XKR6: variants seen among roughly 807,000 people sequenced by gnomAD.
The protein encoded by XKR6 is XK related 6, also known as XK-related protein 6.
Under a neutral mutation model 56.7 loss-of-function variants are expected in XKR6, and 22 were observed. The ratio of observed to expected loss-of-function variants is 0.39; its 90% confidence interval spans 0.28 to 0.55. The LOEUF (loss-of-function observed/expected upper bound fraction) is 0.55, where lower values mean the gene tolerates loss of function less well. XKR6 is among the 20% of genes least tolerant of loss of function. The pLI is 0.66. For synonymous variants in XKR6, 524 were observed against 387.8 expected, an observed-to-expected ratio of 1.35 and a Z score of -4.13; for missense variants, 852 against 889.0, an observed-to-expected ratio of 0.96 and a Z score of 0.53.
chr8:11,174,524 G>A (rs1195669732), intron 1 of XKR6, among the ~76,000 whole-genome samples: 1 of 152,198 alleles, frequency 6.6e-6, no homozygotes, highest in Non-Finnish European at 1.5e-5. Flanking sequence ...CTGAAGGCTA[G>A]TAGTTACTCA....
chr8:11,145,258 C>CA (rs1358982097), intron 1 of XKR6, among the ~76,000 whole-genome samples: 1 of 120,604 alleles, frequency 8.3e-6, no homozygotes, highest in Non-Finnish European at 1.8e-5. Context: ...TCCCAAAATC[C>CA]AAAAAATGCA....
chr8:11,088,067 T>C (rs1302267298), intron 1 of XKR6, among the ~76,000 whole-genome samples: 1 of 152,190 alleles, frequency 6.6e-6, no homozygotes, highest in Non-Finnish European at 1.5e-5. Flanking sequence ...GCAAACAAGA[T>C]AAGTAGCTTC....
At chr8:10,912,360 A>G (rs1440479347) in intron 2 of XKR6, among the ~76,000 whole-genome samples, 5 of 130,764 alleles carry the variant, frequency 3.8e-5, no homozygotes, top group Non-Finnish European at 8.0e-5. Flanking sequence ...AGAGAGAGAG[A>G]GGGTGATTAT....
At chr8:11,074,166 G>A (rs151005444) in intron 1 of XKR6, among the ~76,000 whole-genome samples, 167 of 152,326 alleles carry the variant, frequency 1.1e-3, no homozygotes, top group Middle Eastern at 6.8e-3. Context: ...GTATTTCTCC[G>A]AGGTTCACGG....
chr8:11,145,995 C>A (rs1298310502), intron 1 of XKR6, among the ~76,000 whole-genome samples: 1 of 151,826 alleles, frequency 6.6e-6, no homozygotes, highest in Non-Finnish European at 1.5e-5. Context: ...TCGAGATACA[C>A]AAAAAGGACA....
At chr8:11,177,186 G>A (rs183178656) in intron 1 of XKR6, among the ~76,000 whole-genome samples, 64 of 152,314 alleles carry the variant, frequency 4.2e-4, no homozygotes, top group Non-Finnish European at 7.6e-4. Flanking sequence ...TGGCACGCAG[G>A]TAGGTGCAAC....
At chr8:11,082,326 G>A (rs530927128) in intron 1 of XKR6, among the ~76,000 whole-genome samples, 14 of 152,316 alleles carry the variant, frequency 9.2e-5, no homozygotes, top group African/African-American at 2.6e-4. Flanking sequence ...TTTGCACCCC[G>A]TTACGAATGT....
chr8:11,041,874 TAC>T (rs1010629736), intron 1 of XKR6, among the ~76,000 whole-genome samples: 11 of 152,236 alleles, frequency 7.2e-5, no homozygotes, highest in East Asian at 1.9e-4. Context: ...CCAACACATA[TAC>T]ACACACACAT....
intron 1 of XKR6, among the ~76,000 whole-genome samples, chr8:11,179,499 G>A (rs1029548225): frequency 7.2e-5 from 11 of 152,112 alleles, no homozygotes; most frequent in Non-Finnish European, 1.5e-5. Context: ...TCCCTGATAT[G>A]CACATGTGTG....
intron 1 of XKR6, among the ~76,000 whole-genome samples, chr8:10,945,566 C>G (rs1801509432): frequency 6.6e-6 from 1 of 152,184 alleles, no homozygotes; most frequent in African/African-American, 2.4e-5. Flanking sequence ...CTTTGTTTCC[C>G]CATCTAAGCT....
At chr8:11,043,247 G>C (rs1799329217) in intron 1 of XKR6, among the ~76,000 whole-genome samples, 1 of 152,104 alleles carries the variant, frequency 6.6e-6, no homozygotes, top group Admixed American at 6.5e-5. Flanking sequence ...AACACTCTTA[G>C]CGTGAGCACT....
chr8:10,960,746 G>C (rs947901639), intron 1 of XKR6, among the ~76,000 whole-genome samples: 2 of 152,170 alleles, frequency 1.3e-5, no homozygotes, highest in African/African-American at 4.8e-5. Context: ...CAAGGCAGGA[G>C]GTATCATTCC....
intron 1 of XKR6, among the ~76,000 whole-genome samples, chr8:11,067,476 C>T (rs1362299167): frequency 6.6e-6 from 1 of 152,180 alleles, no homozygotes. Flanking sequence ...CCTTAACGTT[C>T]TAGGATTCTA....
intron 1 of XKR6, among the ~76,000 whole-genome samples, chr8:10,966,856 G>A (rs951162539): frequency 1.3e-5 from 2 of 152,118 alleles, no homozygotes; most frequent in African/African-American, 2.4e-5. Context: ...GGCCACCTGT[G>A]AGAATCACCT....
At chr8:11,029,844 T>C (rs1225980473) in intron 1 of XKR6, among the ~76,000 whole-genome samples, 2 of 152,090 alleles carry the variant, frequency 1.3e-5, no homozygotes, top group African/African-American at 4.8e-5. Flanking sequence ...TCAAAATCTC[T>C]CTTGGGTTCT....
chr8:11,118,332 T>A (rs1043307349), intron 1 of XKR6, among the ~76,000 whole-genome samples: 16 of 152,250 alleles, frequency 1.1e-4, no homozygotes, highest in Non-Finnish European at 1.9e-4. Context: ...TAAAATGAGT[T>A]AGGGAGGATT....
At chr8:10,904,025 C>T (rs1293210882) in intron 2 of XKR6, among the ~76,000 whole-genome samples, 1 of 152,184 alleles carries the variant, frequency 6.6e-6, no homozygotes, top group African/African-American at 2.4e-5. Context: ...GCCGTGGAAG[C>T]CCCCAGTGAA....
At chr8:10,959,458 A>G (rs1801997363) in intron 1 of XKR6, among the ~76,000 whole-genome samples, 1 of 152,184 alleles carries the variant, frequency 6.6e-6, no homozygotes, top group Non-Finnish European at 1.5e-5. Flanking sequence ...ATTTCTCACA[A>G]TTCTGGAGTC....
intron 1 of XKR6, chr8:11,123,541 T>A (rs919896297): frequency 1.2e-5 from 3 of 259,294 alleles, no homozygotes; most frequent in Admixed American, 4.9e-5. Flanking sequence ...TATGACAATA[T>A]CATCACCAAC....
Sources: gnomAD v4.1 joint callset for allele counts (sites outside exome capture counted in the v4.1 genomes callset) on GRCh38, gnomAD v4.1.1 for gene constraint, MANE v1.5 for transcripts, NCBI Gene and HGNC (gene_info 2026-07-23, HGNC 2026-07-21) for gene names.